The following ZNF594 variants were observed in gnomAD, a reference collection of about 807,000 sequenced individuals.
The protein encoded by ZNF594 is zinc finger protein 594, also known as zinc finger protein HZF18.
For synonymous variants in ZNF594, 336 were observed against 309.4 expected (o/e 1.09, Z -0.90); for missense variants, 1,037 against 964.6 (o/e 1.08, Z -0.99).
downstream of ZNF594, among the ~76,000 whole-genome samples, chr17:5,176,656 C>T (rs868415427): frequency 2.6e-5 from 4 of 150,962 alleles, no homozygotes; most frequent in Non-Finnish European, 4.4e-5. Context: ...GAGGTCAATG[C>T]GGCTGCAGAC....
At chr17:5,179,153 G>C (rs1166450840), downstream of ZNF594, among the ~76,000 whole-genome samples, 1 of 150,596 alleles carries the variant, frequency 6.6e-6, no homozygotes, top group Non-Finnish European at 1.5e-5. Context: ...GCAGGGGCCG[G>C]GAAGCCCGAG....
chr17:5,183,240 A>G lies in ZNF594; in HGVS notation c.1017T>C (p.Leu339=). 1.2e-6 allele frequency: 2 copies of G among 1,614,050 alleles called. No individual in the cohort carries two copies. Among genetic ancestry groups the G allele is most frequent in the African/African-American group, 1.3e-5 (1 of 75,008 alleles). ...CTCCAGCATGCAATCTCTGATGTTT[A>G]AGAAAAGCTGTGCGCCCACTGAAGG... ...GKTFSGRTAF[L]KHQRLHAGEK... is the part of the protein sequence containing the mutation. The change falls in exon 2 of 2, where the codon CTT becomes CTC. Residue 339 remains leucine (L), a synonymous_variant. Coordinates refer to ENST00000575779, the MANE Select transcript of ZNF594 (RefSeq NM_032530.2).
chr17:5,184,742 G>T (rs960441129), intron 1 of ZNF594, among the ~76,000 whole-genome samples: 1 of 152,214 alleles, frequency 6.6e-6, no homozygotes, highest in Non-Finnish European at 1.5e-5. Flanking sequence ...CAGCACACCG[G>T]TACCAGGAAG....
rs751979794 is a variant in ZNF594, at chr17:5,181,885, C to T, written c.2372G>A (p.Cys791Tyr). 1.9e-6 allele frequency: 3 copies of T among 1,613,978 alleles called. No homozygotes were observed. Among genetic ancestry groups the T allele is most frequent in the Non-Finnish European group, 2.5e-6 (3 of 1,179,992 alleles). Residue 791 changes from cysteine (C) to tyrosine (Y), a missense_variant, in exon 2 of 2, where the codon TGT becomes TAT. Cys to Tyr is a radical substitution (Grantham distance 194). Coordinates refer to ENST00000575779, the MANE Select transcript of ZNF594 (RefSeq NM_032530.2). The stretch of plus-strand genomic sequence containing the variant: ...TGATTGAGTTTTCCCACATTCTTTA[C>T]ATTCATATGGTTTCTCTCTTGTATG... ...VTHTREKPYE[C>Y]KECGKTQSEL... is the part of the protein sequence containing the mutation.
rs892347720 is a variant in ZNF594 at position 5,179,879 on chromosome 17, T to A, written c.*1954A>T. On this transcript the variant is annotated 3_prime_UTR_variant, in exon 2 of 2. Transcript: ENST00000575779. Reference sequence around the variant, plus strand: ...TAGCAAAATATAATTCTTTAATAAATGCAGTTTGGTAAACATAATCTTTTA... The same window carrying A: ...TAGCAAAATATAATTCTTTAATAAAAGCAGTTTGGTAAACATAATCTTTTA... 6.6e-6 allele frequency: 1 copy of A among 152,054 alleles called. No homozygotes were observed. The highest frequency in any genetic ancestry group is 1.5e-5 in the Non-Finnish European group (1 of 68,026). 9.4% of individuals were successfully genotyped at this position (152,054 alleles called of 1,614,324 possible). A position where few individuals can be genotyped will look rare whatever the true frequency, so the allele number is the denominator to read the frequency against.
Position 5,180,180 on chromosome 17 carries a change from C to T in ZNF594, c.*1653G>A, listed in dbSNP as rs1362489126. 6.6e-6 allele frequency: 1 copy of T among 151,918 alleles called. No homozygotes were observed. 9.4% of individuals were successfully genotyped at this position (151,918 alleles called of 1,614,324 possible). On this transcript the variant is annotated 3_prime_UTR_variant, in exon 2 of 2. Coordinates refer to ENST00000575779, the MANE Select transcript of ZNF594 (RefSeq NM_032530.2). Reference sequence around the variant, plus strand: ...GGTTCAAGTGATTCTCCTGCCCTAGCCTCGCAAGTACCTGGGACTACAGGC... The same window carrying T: ...GGTTCAAGTGATTCTCCTGCCCTAGTCTCGCAAGTACCTGGGACTACAGGC...
At chr17:5,191,156 C>A (rs1363236326) in intron 1 of ZNF594, among the ~76,000 whole-genome samples, 2 of 152,124 alleles carry the variant, frequency 1.3e-5, no homozygotes, top group Non-Finnish European at 2.9e-5. Context: ...CGGTTGCCGG[C>A]TAATAAGGAC....
Position 5,183,803 on chromosome 17 carries a change from T to A in ZNF594, c.454A>T (p.Asn152Tyr), listed in dbSNP as rs746277656. 64 of 1,614,076 alleles carry A rather than the reference T, an allele frequency of 4.0e-5. No individual in the cohort carries two copies. Among genetic ancestry groups the A allele is most frequent in the Middle Eastern group, 1.6e-4 (1 of 6,084 alleles). Residue 152 changes from asparagine to tyrosine, a missense_variant, in exon 2 of 2, where the codon AAT becomes TAT. By Grantham distance (143) the Asn-to-Tyr change is moderately radical (BLOSUM62 -2). Coordinates refer to ENST00000575779, the MANE Select transcript of ZNF594 (RefSeq NM_032530.2). Reference protein sequence around the residue: ...LIIHQRIHTGNKPYVCNECGK... With the variant: ...LIIHQRIHTGYKPYVCNECGK... ...CATTCATTACACACATATGGCTTAT[T>A]TCCTGTATGAATTCTCTGATGTATG... is the stretch of plus-strand genomic sequence containing the variant.
At position 5,182,219 on chromosome 17, in the gene ZNF594, A is replaced by C; in HGVS notation, c.2038T>G (p.Tyr680Asp). 6.2e-7 allele frequency: 1 copy of C among 1,613,512 alleles called. No individual in the cohort carries two copies. The highest frequency in any genetic ancestry group is 8.5e-7 in the Non-Finnish European group (1 of 1,179,942). Residue 680 changes from tyrosine to aspartate, a missense_variant, in exon 2 of 2, where the codon TAT (tyrosine) becomes GAT (aspartate). Tyr to Asp is a radical substitution (Grantham distance 160). Coordinates refer to ENST00000575779, the MANE Select transcript of ZNF594 (RefSeq NM_032530.2). ...HQKIHTGEKP[Y>D]QCSECGNAFR... ...GCATTCCCACATTCACTGCACTGAT[A>C]GGGTTTCTCTCCAGTATGGATTTTC...
chr17:5,184,880 T>C (rs1446283795), intron 1 of ZNF594, among the ~76,000 whole-genome samples: 5 of 152,126 alleles, frequency 3.3e-5, no homozygotes, highest in Non-Finnish European at 5.9e-5. Flanking sequence ...CAAACAAAGA[T>C]GGGTGGATCT....
downstream of ZNF594, chr17:5,175,005 C>T (rs140113034): frequency 0.028 from 5,081 of 183,686 alleles, 276 homozygotes; most frequent in African/African-American, 0.11. Context: ...GCTGTTTTTC[C>T]TCATACAAGT....
Position 5,182,738 on chromosome 17 carries a change from G to T in ZNF594, c.1519C>A (p.Arg507=). ...FRRRSLLIQH[R]RIHSGEKPYE... ...GGTTTCTCACCACTATGAATTCTCC[G>T]ATGTTGAATAAGGAGTGAACGCCGC... The change falls in exon 2 of 2, where the codon CGG becomes AGG. Residue 507 remains arginine (R), a synonymous_variant. Transcript: ENST00000575779. The T allele has an allele frequency of 6.2e-7, 1 of 1,613,940 alleles. No individual in the cohort carries two copies. The highest frequency in any genetic ancestry group is 8.5e-7 in the Non-Finnish European group (1 of 1,179,978).
At chr17:5,188,946 A>G (rs947906331) in intron 1 of ZNF594, among the ~76,000 whole-genome samples, 2 of 151,816 alleles carry the variant, frequency 1.3e-5, no homozygotes, top group Admixed American at 6.6e-5. Context: ...ACGGGGTTTC[A>G]CCACATTAGC....
rs1234233337 is a variant in ZNF594 at position 5,181,803 on chromosome 17, C to T, written c.*30G>A. On this transcript the variant is annotated 3_prime_UTR_variant, in exon 2 of 2. Transcript: ENST00000575779. ...CCTAAAAGATTCCCCACATTTATTG[C>T]ATACGTAAGGTTTTTCTCCACTGTG... 6.2e-7 allele frequency: 1 copy of T among 1,613,688 alleles called. No individual in the cohort carries two copies. Among genetic ancestry groups the T allele is most frequent in the African/African-American group, 1.3e-5 (1 of 74,836 alleles).
intron 1 of ZNF594, among the ~76,000 whole-genome samples, chr17:5,189,439 G>A (rs1029461029): frequency 6.6e-5 from 10 of 151,556 alleles, no homozygotes; most frequent in South Asian, 2.1e-4. Context: ...GGGGCTTGCC[G>A]TGTTGTCCAG....
At chr17:5,186,093 C>T (rs1056639729) in intron 1 of ZNF594, among the ~76,000 whole-genome samples, 9 of 152,308 alleles carry the variant, frequency 5.9e-5, no homozygotes, top group South Asian at 2.1e-4. Flanking sequence ...AGAAGGTGCC[C>T]GAGTAGGGAC....
rs371997693 is a variant in ZNF594 at position 5,183,330 on chromosome 17, G to A, written c.927C>T (p.His309=). The A allele has an allele frequency of 1.7e-4, 277 of 1,613,794 alleles. 1 individual carries two copies. The highest frequency in any genetic ancestry group is 2.3e-4 in the Non-Finnish European group (266 of 1,180,012). ...TGTGGAGTCTCTGGTGTTCAGTAAG[G>A]TGAGAATGCTGCCTGAAGGCTTTTT... is the stretch of plus-strand genomic sequence containing the variant. The part of the protein sequence containing the change: ...ECEKAFRQHS[H]LTEHQRLHSG... Residue 309 remains histidine (H), a synonymous_variant, in exon 2 of 2, where the codon CAC becomes CAT. Coordinates refer to ENST00000575779, the MANE Select transcript of ZNF594 (RefSeq NM_032530.2).
At chr17:5,175,526 T>A (rs1567821779), downstream of ZNF594, among the ~76,000 whole-genome samples, 1 of 152,094 alleles carries the variant, frequency 6.6e-6, no homozygotes, top group Non-Finnish European at 1.5e-5. Flanking sequence ...TAGAACAAGA[T>A]CTCTCCAGTG....
rs867088809 is a variant in ZNF594, at chr17:5,181,329, G to C, written c.*504C>G. On this transcript the variant is annotated 3_prime_UTR_variant, in exon 2 of 2. Transcript: ENST00000575779. ...TTTACATTCATATGGTTTCTCTCCT[G>C]TATGAGTTACCTGATGTCCGATGAG... is the stretch of plus-strand genomic sequence containing the variant. 4.3e-6 allele frequency: 7 copies of C among 1,612,938 alleles called. No individual in the cohort carries two copies. The highest frequency in any genetic ancestry group is 5.9e-6 in the Non-Finnish European group (7 of 1,178,964).
Sources: gnomAD v4.1 joint callset for allele counts (sites outside exome capture counted in the v4.1 genomes callset) on GRCh38, gnomAD v4.1.1 for gene constraint, MANE v1.5 for transcripts, NCBI Gene and HGNC (gene_info 2026-07-23, HGNC 2026-07-21) for gene names.